The following RASEF variants were observed in gnomAD, a reference collection of about 807,000 sequenced individuals.
RASEF encodes ras and EF-hand domain-containing protein.
Under a neutral mutation model 90.1 loss-of-function variants are expected in RASEF, and 68 were observed. The observed-to-expected ratio is 0.75, with a 90% CI of 0.62 to 0.92. The LOEUF (loss-of-function observed/expected upper bound fraction) is 0.92. Among genes scored for constraint, RASEF ranks in the 40% least tolerant of loss-of-function variants. The pLI is 0.00. For synonymous variants in RASEF, 331 were observed against 345.2 expected, an observed-to-expected ratio of 0.96 and a Z score of 0.46; for missense variants, 949 against 937.2, an observed-to-expected ratio of 1.01 and a Z score of -0.16.
At chr9:83,048,479 G>T in intron 1 of RASEF, 1 of 985,080 alleles carries the variant, frequency 1.0e-6, no homozygotes, top group Non-Finnish European at 1.2e-6. Context: ...TTTGGCAGGA[G>T]ACTATTTCTA....
intron 1 of RASEF, among the ~76,000 whole-genome samples, chr9:83,039,409 TGGA>T: frequency 6.6e-6 from 1 of 152,278 alleles, no homozygotes; most frequent in Non-Finnish European, 1.5e-5. Context: ...GCAGGAGGTC[TGGA>T]GAAGAAGGGC....
chr9:83,016,470 CT>C (rs199773636), intron 3 of RASEF, among the ~76,000 whole-genome samples: 2 of 110,718 alleles, frequency 1.8e-5, no homozygotes, highest in African/African-American at 6.5e-5. Flanking sequence ...GAAGCTCCCA[CT>C]GGCTGAAACA....
At chr9:83,041,724 A>G (rs758601537) in intron 1 of RASEF, among the ~76,000 whole-genome samples, 41 of 152,056 alleles carry the variant, frequency 2.7e-4, no homozygotes, top group Non-Finnish European at 4.4e-5. Context: ...TTATTTTTTC[A>G]TTTGATTTTC....
chr9:83,100,102 T>A, the RASEF span, among the ~76,000 whole-genome samples: 7 of 152,174 alleles, frequency 4.6e-5, no homozygotes, highest in African/African-American at 1.7e-4. Flanking sequence ...CAGTTTTGAG[T>A]GAAAACAGAC....
the RASEF span, among the ~76,000 whole-genome samples, chr9:83,077,703 A>G: frequency 1.3e-5 from 2 of 152,238 alleles, no homozygotes; most frequent in Non-Finnish European, 2.9e-5. Flanking sequence ...TGTGTATTTA[A>G]TAACGAGGTG....
At chr9:83,206,118 C>T in the RASEF span, among the ~76,000 whole-genome samples, 2 of 152,134 alleles carry the variant, frequency 1.3e-5, no homozygotes, top group Admixed American at 1.3e-4. Context: ...TACCTTCTAT[C>T]GTTTCAGCCA....
At chr9:83,144,445 AAGAAAAGAAAAGAGAAG>A in the RASEF span, among the ~76,000 whole-genome samples, 8 of 143,824 alleles carry the variant, frequency 5.6e-5, no homozygotes, top group African/African-American at 2.1e-4. Context: ...GAAAAGAAAA[AAGAAAAGAAAAGAGAAG>A]AGAAAAGAAA....
At chr9:82,995,589 G>A (rs894362554) in intron 14 of RASEF, among the ~76,000 whole-genome samples, 1 of 152,110 alleles carries the variant, frequency 6.6e-6, no homozygotes, top group Non-Finnish European at 1.5e-5. Flanking sequence ...GGGACTAGAG[G>A]TCCATACTAA....
chr9:83,174,858 G>C, the RASEF span, among the ~76,000 whole-genome samples: 11 of 151,890 alleles, frequency 7.2e-5, 1 homozygote, highest in Admixed American at 7.2e-4. Context: ...TTATTTCTAA[G>C]TATTTTATTA....
the RASEF span, among the ~76,000 whole-genome samples, chr9:83,082,274 T>C: frequency 6.6e-6 from 1 of 152,196 alleles, no homozygotes; most frequent in Admixed American, 6.5e-5. Flanking sequence ...AAAATGAAGA[T>C]AATTTCCTAA....
At chr9:83,042,166 G>A (rs1237333536) in intron 1 of RASEF, among the ~76,000 whole-genome samples, 2 of 152,042 alleles carry the variant, frequency 1.3e-5, no homozygotes, top group African/African-American at 4.8e-5. Context: ...TACCCTCTGG[G>A]CAGCAAAATG....
At chr9:83,216,117 C>A in the RASEF span, among the ~76,000 whole-genome samples, 1 of 152,112 alleles carries the variant, frequency 6.6e-6, no homozygotes, top group Non-Finnish European at 1.5e-5. Flanking sequence ...GGAAGCAGAG[C>A]ATAAAAGTTC....
intron 7 of RASEF, among the ~76,000 whole-genome samples, chr9:83,006,257 G>C (rs976154342): frequency 7.2e-5 from 11 of 152,120 alleles, no homozygotes; most frequent in African/African-American, 2.7e-4. Flanking sequence ...CATCTCTCTT[G>C]TTTGGCCTTT....
chr9:83,099,866 T>A, the RASEF span, among the ~76,000 whole-genome samples: 4 of 152,226 alleles, frequency 2.6e-5, no homozygotes, highest in African/African-American at 9.6e-5. Context: ...GAAGTGCTTA[T>A]CCCATATTAT....
At chr9:83,135,424 C>T in the RASEF span, among the ~76,000 whole-genome samples, 1 of 151,988 alleles carries the variant, frequency 6.6e-6, no homozygotes. Context: ...AGCAAACCAA[C>T]ATGGCACATG....
upstream of RASEF, among the ~76,000 whole-genome samples, chr9:83,063,994 A>G (rs1020279860): frequency 6.6e-6 from 1 of 152,158 alleles, no homozygotes; most frequent in African/African-American, 2.4e-5. Context: ...TATTTGGCTC[A>G]TTTTTACTTT....
intron 9 of RASEF, 131 bp downstream of exon 9, chr9:83,004,367 T>G: frequency 1.7e-6 from 1 of 576,382 alleles, no homozygotes; most frequent in Non-Finnish European, 3.1e-6. Flanking sequence ...TTTCAGAACT[T>G]TTAACATCAT....
chr9:83,196,562 A>T, the RASEF span, among the ~76,000 whole-genome samples: 1 of 152,080 alleles, frequency 6.6e-6, no homozygotes, highest in African/African-American at 2.4e-5. Flanking sequence ...TGCTTGCTGA[A>T]TCTCCTGCTG....
the RASEF span, among the ~76,000 whole-genome samples, chr9:83,088,683 A>G: frequency 6.6e-6 from 1 of 152,076 alleles, no homozygotes; most frequent in South Asian, 2.1e-4. Context: ...CTCTAGCAAA[A>G]CATTTTGTCT....
Sources: gnomAD v4.1 joint callset for allele counts (sites outside exome capture counted in the v4.1 genomes callset) on GRCh38, gnomAD v4.1.1 for gene constraint, MANE v1.5 for transcripts, NCBI Gene and HGNC (gene_info 2026-07-23, HGNC 2026-07-21) for gene names.